The following TAOK3 variants were observed in gnomAD, a reference collection of about 807,000 sequenced individuals.
TAOK3 encodes TAO kinase 3.
Under a neutral mutation model 120.4 loss-of-function variants are expected in TAOK3, and 40 were observed. That is an observed-to-expected ratio of 0.33 (90% CI 0.26 to 0.43). The LOEUF (loss-of-function observed/expected upper bound fraction) is 0.43, where lower values mean the gene tolerates loss of function less well. Among genes scored for constraint, TAOK3 ranks in the 20% least tolerant of loss-of-function variants. TAOK3 has a pLI of 1.00. For missense variants in TAOK3, 821 were observed against 1,112.1 expected, an observed-to-expected ratio of 0.74 and a Z score of 3.72; for synonymous variants, 355 against 387.5, an observed-to-expected ratio of 0.92 and a Z score of 0.99.
At chr12:118,341,890 G>A (rs1406276459) in intron 1 of TAOK3, among the ~76,000 whole-genome samples, 1 of 152,130 alleles carries the variant, frequency 6.6e-6, no homozygotes, top group African/African-American at 2.4e-5. Flanking sequence ...CAGGTGTGGT[G>A]GCACACCTTG....
At chr12:118,192,423 T>G (rs1027594689) in intron 13 of TAOK3, among the ~76,000 whole-genome samples, 2 of 152,234 alleles carry the variant, frequency 1.3e-5, no homozygotes, top group Admixed American at 6.5e-5. Flanking sequence ...AAATTATTCT[T>G]AGTTTTCCAG....
At chr12:118,347,206 T>C (rs1433788028) in intron 1 of TAOK3, among the ~76,000 whole-genome samples, 1 of 152,100 alleles carries the variant, frequency 6.6e-6, no homozygotes, top group Non-Finnish European at 1.5e-5. Flanking sequence ...AGAGATGAGA[T>C]CTCACTTTAT....
At chr12:118,169,008 T>C (rs1053788808) in intron 17 of TAOK3, among the ~76,000 whole-genome samples, 6 of 147,300 alleles carry the variant, frequency 4.1e-5, no homozygotes, top group African/African-American at 1.3e-4. Context: ...TTCCTTTCTT[T>C]CTTTCTTTCT....
chr12:118,316,320 G>T (rs1593515092), intron 1 of TAOK3, among the ~76,000 whole-genome samples: 1 of 152,180 alleles, frequency 6.6e-6, no homozygotes, highest in South Asian at 2.1e-4. Context: ...CTTACATACT[G>T]TCCTACTGAA....
chr12:118,242,675 C>G (rs760630637), intron 5 of TAOK3, among the ~76,000 whole-genome samples: 1 of 152,080 alleles, frequency 6.6e-6, no homozygotes, highest in Non-Finnish European at 1.5e-5. Flanking sequence ...GCGTGGCCAA[C>G]ATGGTGAACC....
intron 1 of TAOK3, among the ~76,000 whole-genome samples, chr12:118,366,485 C>T (rs1019757446): frequency 6.6e-6 from 1 of 152,088 alleles, no homozygotes; most frequent in African/African-American, 2.4e-5. Context: ...AAGTGAAACA[C>T]ATAAAATTAA....
intron 19 of TAOK3, among the ~76,000 whole-genome samples, chr12:118,157,305 C>T (rs996691098): frequency 6.6e-6 from 1 of 152,166 alleles, no homozygotes; most frequent in Non-Finnish European, 1.5e-5. Context: ...TTCAAAAACA[C>T]AAATCTGATG....
intron 2 of TAOK3, among the ~76,000 whole-genome samples, chr12:118,259,112 C>A (rs2041114825): frequency 6.6e-6 from 1 of 152,094 alleles, no homozygotes; most frequent in Admixed American, 6.6e-5. Flanking sequence ...AGAGGCAAAG[C>A]CATAAACTAA....
At chr12:118,208,638 T>C (rs1031409853) in intron 11 of TAOK3, among the ~76,000 whole-genome samples, 1 of 152,146 alleles carries the variant, frequency 6.6e-6, no homozygotes, top group South Asian at 2.1e-4. Context: ...GAAGGACAAA[T>C]GGGCAATATC....
chr12:118,290,009 A>G (rs1295581465), intron 1 of TAOK3, among the ~76,000 whole-genome samples: 2 of 151,490 alleles, frequency 1.3e-5, no homozygotes, highest in East Asian at 3.9e-4. Context: ...AAAAAAAAAG[A>G]GAAAGAAATA....
intron 1 of TAOK3, among the ~76,000 whole-genome samples, chr12:118,360,167 A>G (rs1382616496): frequency 6.6e-6 from 1 of 151,970 alleles, no homozygotes; most frequent in East Asian, 1.9e-4. Flanking sequence ...CGGGAGGCTG[A>G]GGCAGGAGAA....
intron 1 of TAOK3, among the ~76,000 whole-genome samples, chr12:118,289,296 C>CAAAAAAAAAAAAA (rs59297201): frequency 4.3e-4 from 34 of 78,656 alleles, no homozygotes; most frequent in African/African-American, 6.8e-4. Context: ...AAGACTGTCT[C>CAAAAAAAAAAAAA]AAAAAAAAAA....
At chr12:118,308,844 C>T (rs1487809729) in intron 1 of TAOK3, among the ~76,000 whole-genome samples, 19 of 136,028 alleles carry the variant, frequency 1.4e-4, no homozygotes, top group Admixed American at 9.8e-4. Context: ...GCAGGAGACT[C>T]GTTTGAACCC....
chr12:118,216,330 C>T (rs1043163283), intron 9 of TAOK3, among the ~76,000 whole-genome samples: 13 of 152,174 alleles, frequency 8.5e-5, no homozygotes, highest in Non-Finnish European at 1.6e-4. Flanking sequence ...CTCCCCAGCC[C>T]ACCACGATCT....
In TAOK3 at chr12:118,149,909, G is replaced by C. The variant is rs2034271474; in HGVS notation, c.*1088C>G. On this transcript the variant is annotated 3_prime_UTR_variant, in exon 21 of 21. Coordinates refer to ENST00000392533, the MANE Select transcript of TAOK3 (RefSeq NM_016281.4). ...TTTTGTTTTTAAAGTGCATGCAAAA[G>C]AAGTAAAGCCTTTTTTTTTTTCATC... 1 of 151,604 alleles carries C rather than the reference G, an allele frequency of 6.6e-6. No individual in the cohort carries two copies. Among genetic ancestry groups the C allele is most frequent in the African/African-American group, 2.4e-5 (1 of 41,300 alleles). 9.4% of individuals were successfully genotyped at this position (151,604 alleles called of 1,614,324 possible).
At chr12:118,258,991 T>C (rs1207923467) in intron 2 of TAOK3, among the ~76,000 whole-genome samples, 1 of 152,016 alleles carries the variant, frequency 6.6e-6, no homozygotes, top group Non-Finnish European at 1.5e-5. Flanking sequence ...AAAACAAGGA[T>C]TATAGACTAA....
chr12:118,231,753 A>T (rs1010467662), intron 9 of TAOK3, among the ~76,000 whole-genome samples: 1 of 151,968 alleles, frequency 6.6e-6, no homozygotes, highest in African/African-American at 2.4e-5. Context: ...GCAAAACCCC[A>T]TCTCTATTAA....
chr12:118,363,686 C>T (rs909249087), intron 1 of TAOK3, among the ~76,000 whole-genome samples: 2 of 151,858 alleles, frequency 1.3e-5, no homozygotes, highest in African/African-American at 2.4e-5. Context: ...GGGCACATCA[C>T]TAAGCGCTTG....
intron 9 of TAOK3, among the ~76,000 whole-genome samples, chr12:118,227,692 G>C (rs2039573516): frequency 6.6e-6 from 1 of 152,150 alleles, no homozygotes; most frequent in Non-Finnish European, 1.5e-5. Flanking sequence ...CACACAGTCA[G>C]AATCAATATG....
Sources: allele counts gnomAD v4.1 joint callset (sites outside exome capture counted in the v4.1 genomes callset), GRCh38; gene constraint gnomAD v4.1.1; transcripts MANE v1.5; gene names NCBI Gene and HGNC (gene_info 2026-07-23, HGNC 2026-07-21).